Variants in PACS2 observed in about 807,000 individuals in gnomAD.
PACS2 encodes PACS1-like protein.
A neutral mutation model predicts 113.0 loss-of-function variants in PACS2; 36 were observed. The ratio of observed to expected loss-of-function variants is 0.32; its 90% CI spans 0.24 to 0.42. The LOEUF is 0.42. PACS2 is among the 10% of genes least tolerant of loss of function. PACS2 has a pLI of 1.00. For missense variants in PACS2, 1,015 were observed against 1,239.5 expected (o/e 0.82, Z 2.72); for synonymous variants, 589 against 536.1 (o/e 1.10, Z -1.36).
chr14:105,302,377 AT>A (rs1324025181), intron 1 of PACS2, among the ~76,000 whole-genome samples: 2 of 148,652 alleles, frequency 1.3e-5, no homozygotes, highest in Admixed American at 6.7e-5. Flanking sequence ...CTAATTTTGT[AT>A]TTTTAGTAGA....
chr14:105,382,570 T>C lies in PACS2; in HGVS notation c.1507T>C (p.Trp503Arg), dbSNP rs2081031883. Residue 503 changes from tryptophan (W) to arginine (R), a missense_variant, in exon 14 of 25, where the codon TGG becomes CGG. Physicochemically the swap from Trp to Arg is moderately radical, Grantham distance 101. Coordinates refer to ENST00000447393, the MANE Select transcript of PACS2 (RefSeq NM_001100913.3). Reference protein sequence around the residue: ...ENIILVNTSDWQGQFLSDVLQ... With the variant: ...ENIILVNTSDRQGQFLSDVLQ... ...CATCATCCTTGTCAACACCTCGGAC[T>C]GGCAGGGGCAGGTAGAGGGGCAGTC... 2 of 1,603,760 alleles carry C rather than the reference T, an allele frequency of 1.2e-6. No individual in the cohort carries two copies. The highest frequency in any genetic ancestry group is 1.7e-6 in the Non-Finnish European group (2 of 1,170,980).
intron 1 of PACS2, among the ~76,000 whole-genome samples, chr14:105,328,505 C>G (rs1336597349): frequency 1.3e-5 from 2 of 152,320 alleles, no homozygotes; most frequent in East Asian, 1.9e-4. Context: ...GAACAGGGGC[C>G]CAGAGGCTGC....
intron 4 of PACS2, among the ~76,000 whole-genome samples, chr14:105,360,365 TGTC>T (rs2060632680): frequency 6.6e-6 from 1 of 151,530 alleles, no homozygotes; most frequent in South Asian, 2.1e-4. Context: ...TATGGTGAAA[TGTC>T]GTCTCTACTA....
intron 14 of PACS2, 30 bp from the exon 15 acceptor site, chr14:105,382,777 C>G: frequency 7.0e-7 from 1 of 1,424,266 alleles, no homozygotes. Flanking sequence ...GCGGCTGTGC[C>G]GAAGTCAGCG....
At chr14:105,342,544 C>T (rs996221604) in intron 1 of PACS2, among the ~76,000 whole-genome samples, 27 of 151,834 alleles carry the variant, frequency 1.8e-4, no homozygotes, top group Admixed American at 6.6e-4. Flanking sequence ...GCTGGGATTA[C>T]AGGCATGATT....
rs2060871502 is a variant in PACS2, at chr14:105,364,467, T to TCCCGGGTGCGCGGTGGGCGGCGG, written c.424-2729_424-2728insCGGCGGCCCGGGTGCGCGGTGGG. On this transcript the variant is annotated intron_variant, in intron 4 of 24. Coordinates refer to ENST00000447393, the MANE Select transcript of PACS2 (RefSeq NM_001100913.3). ...CGTCCCGGGTGCGCGGTGGGCGGCG[T>TCCCGGGTGCGCGGTGGGCGGCGG]CCCGGGTGCGCGGTGGGTGGCGGCC... 4.0e-5 allele frequency among the ~76,000 whole-genome samples: 3 copies of TCCCGGGTGCGCGGTGGGCGGCGG among 74,400 alleles called. No homozygotes were observed. The Admixed American group carries it at 4.1e-4, about 10-fold the overall frequency. The allele number at this position is 74,400 out of a possible 152,430, so 48.8% of individuals were successfully genotyped here. A position where few individuals can be genotyped will look rare whatever the true frequency, so the allele number is the denominator to read the frequency against.
chr14:105,349,610 A>C (rs1457445783), intron 2 of PACS2, among the ~76,000 whole-genome samples: 1 of 152,258 alleles, frequency 6.6e-6, no homozygotes, highest in African/African-American at 2.4e-5. Flanking sequence ...GAGTGCGAGG[A>C]GGCCTGAGGC....
rs2080916829 is a variant in PACS2, at chr14:105,379,834, G to A, written c.1050+5G>A. 1.2e-6 allele frequency: 2 copies of A among 1,611,622 alleles called. No individual in the cohort carries two copies. The highest frequency in any genetic ancestry group is 1.7e-6 in the Non-Finnish European group (2 of 1,178,548). On this transcript the variant is annotated splice_donor_5th_base_variant and intron_variant, in intron 10 of 24. Transcript: ENST00000447393. ...CACAAGGAGCCCCCAAGCCCGGTGAGTGGGGCCACACTGATCTCCCAGAGC... is the reference window on the plus strand; with the variant it reads ...CACAAGGAGCCCCCAAGCCCGGTGAATGGGGCCACACTGATCTCCCAGAGC...
chr14:105,307,786 T>C (rs1451646774), intron 1 of PACS2, among the ~76,000 whole-genome samples: 1 of 152,228 alleles, frequency 6.6e-6, no homozygotes, highest in Admixed American at 6.5e-5. Flanking sequence ...ATGGAGGACA[T>C]GTGTCTGGTA....
At chr14:105,386,817 G>A (rs2081192348) in intron 19 of PACS2, among the ~76,000 whole-genome samples, 2 of 152,128 alleles carry the variant, frequency 1.3e-5, no homozygotes, top group Non-Finnish European at 2.9e-5. Context: ...GTCTTGTCCT[G>A]CTAAACAAGC....
intron 1 of PACS2, among the ~76,000 whole-genome samples, chr14:105,331,984 G>A (rs1304816630): frequency 1.3e-5 from 2 of 152,234 alleles, no homozygotes; most frequent in Non-Finnish European, 2.9e-5. Flanking sequence ...GTTTTGAGGA[G>A]TCTGCGATCA....
rs2060411456 is a variant in PACS2, at chr14:105,355,610, CA to C, written c.423+434del. ...GGCTGAGCAGGAGCAGGACAGGTGT[CA>C]GTTCTGTGAAGGGGCTAGCGACAAT... On this transcript the variant is annotated intron_variant, in intron 4 of 24. Transcript: ENST00000447393. The surrounding 1 kb of genome is among the most constrained non-coding windows in gnomAD (Gnocchi z 4.1). Among the ~76,000 whole-genome samples the C allele has an allele frequency of 6.6e-6, 1 of 152,226 alleles. No homozygotes were observed. Among genetic ancestry groups the C allele is most frequent in the Non-Finnish European group, 1.5e-5 (1 of 68,038 alleles).
chr14:105,312,376 C>A (rs587718502), upstream of PACS2, among the ~76,000 whole-genome samples: 60 of 152,348 alleles, frequency 3.9e-4, no homozygotes, highest in African/African-American at 1.4e-3. Flanking sequence ...CCGGGCAGCA[C>A]GTGGTAGGAC....
At chr14:105,392,549 C>A in intron 22 of PACS2, 70 bp from the exon 23 acceptor site, 1 of 1,363,258 alleles carries the variant, frequency 7.3e-7, no homozygotes, top group Non-Finnish European at 1.0e-6. Flanking sequence ...TGGCCTGTCA[C>A]AGGGACAGTG....
At chr14:105,310,063 T>C (rs2058305916), upstream of PACS2, among the ~76,000 whole-genome samples, 1 of 151,266 alleles carries the variant, frequency 6.6e-6, no homozygotes. Context: ...GGATTACAGG[T>C]ATGAGCCACC....
chr14:105,304,843 T>C (rs188752886), intron 1 of PACS2, among the ~76,000 whole-genome samples: 135 of 152,320 alleles, frequency 8.9e-4, no homozygotes, highest in African/African-American at 3.2e-3. Flanking sequence ...CCGTCAGATC[T>C]CGTGAGACTT....
At position 105,316,340 on chromosome 14, in the gene PACS2, A is replaced by G. The variant is rs143243701; in HGVS notation, c.119+1303A>G. On this transcript the variant is annotated intron_variant, in intron 1 of 24. Transcript: ENST00000447393. ...TCTCTGGGGCCTCAAAGCCAAAGCC[A>G]GGAGCATCTCCCCAGGCCTGGCTGC... Among the ~76,000 whole-genome samples, 1,500 of 152,322 alleles carry G rather than the reference A, an allele frequency of 9.8e-3. 10 individuals carry two copies. Among genetic ancestry groups the G allele is most frequent in the Middle Eastern group, 0.041 (12 of 294 alleles).
Position 105,315,467 on chromosome 14 carries a change from A to C in PACS2, c.119+430A>C, listed in dbSNP as rs1245654103. On this transcript the variant is annotated intron_variant, in intron 1 of 24. Coordinates refer to ENST00000447393, the MANE Select transcript of PACS2 (RefSeq NM_001100913.3). The surrounding 1 kb of genome is among the most constrained non-coding windows in gnomAD (Gnocchi z 4.4). ...TCGGCCTGGGAGCGACCCCCGGCGC[A>C]CGGGGCGCGCAGGACTCGGTTGTAT... 6.6e-6 allele frequency: 1 copy of C among 152,182 alleles called. No homozygotes were observed. Among genetic ancestry groups the C allele is most frequent in the African/African-American group, 2.4e-5 (1 of 41,440 alleles). 9.4% of individuals were successfully genotyped at this position (152,182 alleles called of 1,614,324 possible).
rs140488225 is a variant in PACS2 at position 105,340,737 on chromosome 14, G to A, written c.120-7756G>A. Among the ~76,000 whole-genome samples, 386 of 152,310 alleles carry A rather than the reference G, an allele frequency of 2.5e-3. 2 individuals carry two copies. Among genetic ancestry groups the A allele is most frequent in the African/African-American group, 9.0e-3 (374 of 41,574 alleles). On this transcript the variant is annotated intron_variant, in intron 1 of 24. Coordinates refer to ENST00000447393, the MANE Select transcript of PACS2 (RefSeq NM_001100913.3). This position sits in a 1 kb window ranked among gnomAD's most constrained non-coding sequence, Gnocchi z 4.2. ...AGGGCTGGCTGAGCTGGTGCTTCCT[G>A]CCACCTGTGTAGTGGTGCAGGTGTC...
Sources: gnomAD v4.1 joint callset for allele counts (sites outside exome capture counted in the v4.1 genomes callset) on GRCh38, gnomAD v4.1.1 for gene constraint, Gnocchi (gnomAD v3.1) non-coding constraint, MANE v1.5 for transcripts, NCBI Gene and HGNC (gene_info 2026-07-23, HGNC 2026-07-21) for gene names.